Variants in CNTNAP2 observed in about 807,000 individuals in gnomAD.
CNTNAP2 encodes the protein contactin-associated protein-like 2.
A neutral mutation model predicts 155.2 loss-of-function variants in CNTNAP2; 98 were observed. That is an observed-to-expected ratio of 0.63 (90% CI 0.54 to 0.75). CNTNAP2 has a LOEUF of 0.75. Ranked by LOEUF, CNTNAP2 falls within the 30% of genes least tolerant of loss-of-function variation. The pLI is 0.00. For synonymous variants in CNTNAP2, 651 were observed against 631.2 expected (o/e 1.03, Z -0.47); for missense variants, 1,727 against 1,688.1 (o/e 1.02, Z -0.40).
At chr7:147,673,592 C>A (rs1795822371) in intron 13 of CNTNAP2, among the ~76,000 whole-genome samples, 1 of 152,144 alleles carries the variant, frequency 6.6e-6, no homozygotes, top group Non-Finnish European at 1.5e-5. Context: ...CTCTCTTGTT[C>A]AGCTGTCTGC....
chr7:146,716,228 A>T (rs1801185313), intron 1 of CNTNAP2, among the ~76,000 whole-genome samples: 1 of 150,870 alleles, frequency 6.6e-6, no homozygotes, highest in African/African-American at 2.5e-5. Flanking sequence ...AAAAAAAAAA[A>T]AAAAGGCATG....
At chr7:146,472,005 G>A (rs1796806234) in intron 1 of CNTNAP2, among the ~76,000 whole-genome samples, 1 of 152,148 alleles carries the variant, frequency 6.6e-6, no homozygotes, top group South Asian at 2.1e-4. Context: ...TGTCCCCAAA[G>A]TAGTGAAAAT....
intron 3 of CNTNAP2, among the ~76,000 whole-genome samples, chr7:146,977,552 A>G (rs1183249023): frequency 1.3e-5 from 2 of 152,194 alleles, no homozygotes; most frequent in Non-Finnish European, 2.9e-5. Context: ...AAAGATAATA[A>G]CAGACAGTGT....
intron 13 of CNTNAP2, among the ~76,000 whole-genome samples, chr7:147,901,149 TTG>T (rs769770303): frequency 2.0e-4 from 31 of 152,278 alleles, no homozygotes; most frequent in African/African-American, 2.4e-4. Context: ...TGAACCTTTT[TTG>T]TGTGTGTTTT....
intron 13 of CNTNAP2, among the ~76,000 whole-genome samples, chr7:147,806,545 C>A (rs12154692): frequency 0.19 from 29,110 of 152,166 alleles, 3,317 homozygotes; most frequent in East Asian, 0.29. Context: ...GGTATCTGCA[C>A]TCCCAGGTTT....
intron 23 of CNTNAP2, among the ~76,000 whole-genome samples, chr7:148,411,032 T>TATC (rs1487378961): frequency 7.2e-5 from 11 of 152,224 alleles, no homozygotes; most frequent in African/African-American, 2.4e-4. Context: ...ACTAAAAATG[T>TATC]ATCAGAAGAT....
chr7:147,369,352 T>A (rs561453456), intron 9 of CNTNAP2, among the ~76,000 whole-genome samples: 1 of 152,338 alleles, frequency 6.6e-6, no homozygotes, highest in Non-Finnish European at 1.5e-5. Context: ...GTGTCTCATT[T>A]GTTTTTGGTG....
At chr7:147,764,171 C>T (rs1226442597) in intron 13 of CNTNAP2, among the ~76,000 whole-genome samples, 1 of 152,160 alleles carries the variant, frequency 6.6e-6, no homozygotes, top group African/African-American at 2.4e-5. Context: ...TTGCCCTACA[C>T]CATAGCTCAC....
rs575839594 is a variant in CNTNAP2 at position 146,816,076 on chromosome 7, A to C, written c.209-23635A>C. Reference sequence around the variant, plus strand: ...AGTTGCCAGCTTCATCCATGTCTCTACAAAGGACTTTAACTCATCCTTTTT... The same window carrying C: ...AGTTGCCAGCTTCATCCATGTCTCTCCAAAGGACTTTAACTCATCCTTTTT... On this transcript the variant is annotated intron_variant, in intron 2 of 23. Coordinates refer to ENST00000361727, the MANE Select transcript of CNTNAP2 (RefSeq NM_014141.6). 2.0e-5 allele frequency among the ~76,000 whole-genome samples: 3 copies of C among 152,310 alleles called. No individual in the cohort carries two copies. In the South Asian group the frequency reaches 6.2e-4, roughly 32 times the overall value.
chr7:147,483,383 C>T (rs1798458825), intron 10 of CNTNAP2, among the ~76,000 whole-genome samples: 1 of 152,020 alleles, frequency 6.6e-6, no homozygotes, highest in South Asian at 2.1e-4. Context: ...TGGTGTGGAA[C>T]AATCCCCTCA....
intron 8 of CNTNAP2, among the ~76,000 whole-genome samples, chr7:147,214,187 A>G (rs1803217491): frequency 6.6e-6 from 1 of 152,170 alleles, no homozygotes; most frequent in South Asian, 2.1e-4. Flanking sequence ...CCACTCACAT[A>G]AAAACACCAT....
At chr7:146,182,585 T>C (rs762384301) in intron 1 of CNTNAP2, among the ~76,000 whole-genome samples, 55 of 152,198 alleles carry the variant, frequency 3.6e-4, no homozygotes, top group Non-Finnish European at 1.9e-4. Flanking sequence ...GCATCTTTTC[T>C]TATCCATTTC....
chr7:146,574,686 C>T (rs148027766), intron 1 of CNTNAP2, among the ~76,000 whole-genome samples: 12 of 152,134 alleles, frequency 7.9e-5, no homozygotes, highest in East Asian at 1.9e-4. Context: ...GGTGACAGAG[C>T]GAGACTCCAT....
intron 15 of CNTNAP2, among the ~76,000 whole-genome samples, chr7:148,012,288 G>A (rs1010359260): frequency 2.6e-5 from 4 of 152,152 alleles, no homozygotes; most frequent in Non-Finnish European, 1.5e-5. Flanking sequence ...CCTTAAAAAA[G>A]ACACTTGTTA....
chr7:147,342,630 G>A (rs6945022), intron 9 of CNTNAP2, among the ~76,000 whole-genome samples: 59,708 of 152,014 alleles, frequency 0.39, 12,023 homozygotes, highest in South Asian at 0.49. Flanking sequence ...AGCAATTTCA[G>A]TTGTGCTCAT....
At chr7:146,150,327 G>T (rs1221096496) in intron 1 of CNTNAP2, among the ~76,000 whole-genome samples, 1 of 152,036 alleles carries the variant, frequency 6.6e-6, no homozygotes, top group East Asian at 1.9e-4. Context: ...ATGTAACTTT[G>T]AGAATCTCTT....
chr7:146,780,433 CCCG>C (rs1384037626), intron 2 of CNTNAP2, among the ~76,000 whole-genome samples: 1 of 152,118 alleles, frequency 6.6e-6, no homozygotes, highest in Non-Finnish European at 1.5e-5. Context: ...TTGTGATCCA[CCCG>C]CCTCGGCCTC....
intron 15 of CNTNAP2, among the ~76,000 whole-genome samples, chr7:148,106,538 A>T (rs1804227427): frequency 6.9e-6 from 1 of 145,300 alleles, no homozygotes; most frequent in Non-Finnish European, 1.5e-5. Context: ...TTTTTTCCTA[A>T]TAAATAGAGA....
intron 3 of CNTNAP2, among the ~76,000 whole-genome samples, chr7:146,913,714 C>T (rs1585154555): frequency 6.6e-6 from 1 of 152,058 alleles, no homozygotes; most frequent in East Asian, 1.9e-4. Context: ...AAGCCCCTCT[C>T]CTAATGGCGT....
Sources: gnomAD v4.1 joint callset for allele counts (sites outside exome capture counted in the v4.1 genomes callset) on GRCh38, gnomAD v4.1.1 for gene constraint, MANE v1.5 for transcripts, NCBI Gene and HGNC (gene_info 2026-07-23, HGNC 2026-07-21) for gene names.